Variants in CYP19A1 observed in about 807,000 individuals in gnomAD.
The protein encoded by CYP19A1 is cytochrome P450 family 19 subfamily A member 1, also known as aromatase.
CYP19A1 carries 32 observed loss-of-function variants against 44.4 expected under a neutral mutation model. The observed-to-expected ratio is 0.72, with a 90% confidence interval of 0.54 to 0.97. The LOEUF (loss-of-function observed/expected upper bound fraction) is 0.97. CYP19A1 is among the 50% of genes least tolerant of loss of function. The pLI is 0.00. For missense variants in CYP19A1, 598 were observed against 637.8 expected (o/e 0.94, Z 0.67); for synonymous variants, 212 against 215.6 (o/e 0.98, Z 0.14).
At chr15:51,299,634 C>T (rs528527752) in intron 1 of CYP19A1, among the ~76,000 whole-genome samples, 18 of 152,328 alleles carry the variant, frequency 1.2e-4, no homozygotes, top group African/African-American at 4.3e-4. Flanking sequence ...TCATGCAGTT[C>T]CCCACACACA....
At chr15:51,214,926 T>C in intron 8 of CYP19A1, 144 bp downstream of exon 8, 3 of 1,310,034 alleles carry the variant, frequency 2.3e-6, no homozygotes, top group South Asian at 1.5e-5. Context: ...TCTGGTGTAA[T>C]CAAATGTGAC....
intron 3 of CYP19A1, among the ~76,000 whole-genome samples, chr15:51,231,499 C>A (rs2033029508): frequency 6.6e-6 from 1 of 152,084 alleles, no homozygotes; most frequent in Non-Finnish European, 1.5e-5. Context: ...ACTCCCTTGA[C>A]CCTCTTCTTA....
chr15:51,235,277 G>A lies in CYP19A1; in HGVS notation c.296+1582C>T, dbSNP rs548492605. 3.9e-5 allele frequency among the ~76,000 whole-genome samples: 6 copies of A among 152,316 alleles called. No individual in the cohort carries two copies. In the East Asian group the frequency reaches 1.2e-3, roughly 29 times the overall value. ...TTAGAGCAGTGGTTCTCAAACTCAA[G>A]TGTGCAGCAGAATCACCTGCAGGCT... On this transcript the variant is annotated intron_variant, in intron 3 of 9. Transcript: ENST00000396402.
At chr15:51,274,635 A>G (rs893159422) in intron 1 of CYP19A1, among the ~76,000 whole-genome samples, 1 of 152,190 alleles carries the variant, frequency 6.6e-6, no homozygotes, top group Non-Finnish European at 1.5e-5. Context: ...TCCCACCTAC[A>G]TGAACTGTCT....
chr15:51,231,655 G>A (rs2033045376), intron 3 of CYP19A1, among the ~76,000 whole-genome samples: 3 of 151,764 alleles, frequency 2.0e-5, no homozygotes, highest in Admixed American at 2.0e-4. Flanking sequence ...GTGTACGTTA[G>A]CGCACACGTG....
intron 1 of CYP19A1, among the ~76,000 whole-genome samples, chr15:51,273,748 G>A: frequency 6.6e-6 from 1 of 152,194 alleles, no homozygotes; most frequent in East Asian, 1.9e-4. Context: ...GCTCATGCCT[G>A]TAATCCCAGC....
chr15:51,334,057 C>T (rs2036741306), intron 1 of CYP19A1, among the ~76,000 whole-genome samples: 1 of 152,178 alleles, frequency 6.6e-6, no homozygotes, highest in African/African-American at 2.4e-5. Context: ...GCTTTCTTTC[C>T]TGACTAGCTT....
intron 2 of CYP19A1, among the ~76,000 whole-genome samples, chr15:51,241,930 T>G (rs1323468394): frequency 6.6e-6 from 1 of 152,116 alleles, no homozygotes; most frequent in Non-Finnish European, 1.5e-5. Context: ...ACTATGCTCT[T>G]AAAGTCTCAT....
intron 1 of CYP19A1, among the ~76,000 whole-genome samples, chr15:51,289,681 G>C (rs1183593130): frequency 6.6e-6 from 1 of 152,160 alleles, no homozygotes; most frequent in African/African-American, 2.4e-5. Flanking sequence ...CAAATAATTT[G>C]AGGCAACCTT....
chr15:51,212,402 A>G lies in CYP19A1; in HGVS notation c.1181T>C (p.Ile394Thr). 1.9e-6 allele frequency: 3 copies of G among 1,596,746 alleles called. No individual in the cohort carries two copies. Among genetic ancestry groups the G allele is most frequent in the Non-Finnish European group, 1.7e-6 (2 of 1,164,078 alleles). Residue 394 changes from isoleucine to threonine, a missense_variant, in exon 9 of 10, where the codon ATT (isoleucine) becomes ACT (threonine). Ile to Thr is a moderately conservative substitution (Grantham distance 89, BLOSUM62 -1). Transcript: ENST00000396402. Reference sequence around the variant, plus strand: ...GTGCATCCTTCCAATATTCAGGATAATGTTTGTCCCCTTTTTCACTGGGTA... The same window carrying G: ...GTGCATCCTTCCAATATTCAGGATAGTGTTTGTCCCCTTTTTCACTGGGTA... Reference protein sequence around the residue: ...DGYPVKKGTNIILNIGRMHRL... With the variant: ...DGYPVKKGTNTILNIGRMHRL...
intron 1 of CYP19A1, among the ~76,000 whole-genome samples, chr15:51,261,331 C>T (rs2034713483): frequency 6.6e-6 from 1 of 152,168 alleles, no homozygotes; most frequent in African/African-American, 2.4e-5. Flanking sequence ...GAGTGGCCAA[C>T]CACCATCTTG....
intron 1 of CYP19A1, among the ~76,000 whole-genome samples, chr15:51,257,706 G>A (rs2034566224): frequency 6.6e-6 from 1 of 152,126 alleles, no homozygotes; most frequent in African/African-American, 2.4e-5. Flanking sequence ...TCCTCCAAAT[G>A]TTATTTCAAA....
intron 3 of CYP19A1, among the ~76,000 whole-genome samples, chr15:51,234,438 G>A (rs1350401959): frequency 6.6e-6 from 1 of 152,130 alleles, no homozygotes; most frequent in Non-Finnish European, 1.5e-5. Context: ...TAAGACTAGC[G>A]GAGTGGTCAG....
chr15:51,229,791 T>TA (rs2032888326), intron 3 of CYP19A1, among the ~76,000 whole-genome samples: 1 of 152,226 alleles, frequency 6.6e-6, no homozygotes. Flanking sequence ...AACTAATATT[T>TA]AAAAATTTTA....
At chr15:51,299,579 A>G (rs748705851) in intron 1 of CYP19A1, among the ~76,000 whole-genome samples, 4 of 152,244 alleles carry the variant, frequency 2.6e-5, no homozygotes, top group Non-Finnish European at 5.9e-5. Context: ...CTGTGTTTGC[A>G]GACCTAACTG....
intron 6 of CYP19A1, among the ~76,000 whole-genome samples, chr15:51,216,818 T>G (rs1010312275): frequency 6.6e-6 from 1 of 152,190 alleles, no homozygotes; most frequent in Non-Finnish European, 1.5e-5. Context: ...CTATGTAAGA[T>G]ACTTTAAGTC....
intron 4 of CYP19A1, 64 bp downstream of exon 4, chr15:51,227,715 T>C (rs1787623437): frequency 1.8e-6 from 1 of 552,414 alleles, no homozygotes; most frequent in East Asian, 3.1e-5. Flanking sequence ...ATTTTAAAAA[T>C]ATGATTTCAA....
intron 7 of CYP19A1, 52 bp downstream of exon 7, chr15:51,215,651 A>G: frequency 1.2e-6 from 2 of 1,613,658 alleles, no homozygotes; most frequent in East Asian, 4.5e-5. Context: ...ACACACCTCT[A>G]CACAGTCATA....
intron 1 of CYP19A1, among the ~76,000 whole-genome samples, chr15:51,282,595 C>T (rs954526457): frequency 1.3e-5 from 2 of 152,228 alleles, no homozygotes; most frequent in African/African-American, 2.4e-5. Context: ...GCCACCTGGA[C>T]CCACTTTCTC....
Sources: gnomAD v4.1 joint callset for allele counts (sites outside exome capture counted in the v4.1 genomes callset) on GRCh38, gnomAD v4.1.1 for gene constraint, MANE v1.5 for transcripts, NCBI Gene and HGNC (gene_info 2026-07-23, HGNC 2026-07-21) for gene names.